The following ZNF33A variants were observed in gnomAD, a reference collection of about 807,000 sequenced individuals.
ZNF33A encodes brain my041 protein.
In ZNF33A, 9 loss-of-function variants were observed where a neutral mutation model predicts 15.9. That is an observed-to-expected ratio of 0.57 (90% CI 0.34 to 0.99). The LOEUF (loss-of-function observed/expected upper bound fraction) is 0.99, where lower values mean the gene tolerates loss of function less well. Ranked by LOEUF, ZNF33A falls within the 50% of genes least tolerant of loss-of-function variation. The pLI is 0.02. For missense variants in ZNF33A, 843 were observed against 941.6 expected, an observed-to-expected ratio of 0.90 and a Z score of 1.37; for synonymous variants, 294 against 324.2, an observed-to-expected ratio of 0.91 and a Z score of 1.00.
rs376762215 is a variant in ZNF33A at position 38,054,717 on chromosome 10, A to G, written c.593A>G (p.Asn198Ser). The G allele has an allele frequency of 8.1e-6, 13 of 1,613,734 alleles. No homozygotes were observed. The highest frequency in any genetic ancestry group is 8.0e-5 in the African/African-American group (6 of 74,916). Residue 198 changes from asparagine to serine, a missense_variant, in exon 5 of 5, where the codon AAC becomes AGC. Transcript: ENST00000432900. ...AAAAATGAAGTTTTGAAAAATAGGA[A>G]CACACTGAGTCATCATGAGGAGACT... ...QEKNEVLKNR[N>S]TLSHHEETLQ...
chr10:38,057,508 C>A lies in ZNF33A; in HGVS notation c.*948C>A. On this transcript the variant is annotated 3_prime_UTR_variant, in exon 5 of 5. Coordinates refer to ENST00000432900, the MANE Select transcript of ZNF33A (RefSeq NM_006954.2). ...TAATTGTGAATAGGAAGTAGGTATC[C>A]TAGTTTAGTAGTGGTTACATTATCA... The A allele has an allele frequency of 1.0e-6, 1 of 985,330 alleles. No homozygotes were observed. The highest frequency in any genetic ancestry group is 1.2e-6 in the Non-Finnish European group (1 of 829,914). 61.0% of individuals were successfully genotyped at this position (985,330 alleles called of 1,614,324 possible).
rs71491229 is a variant in ZNF33A at position 38,032,871 on chromosome 10, C to G, written c.250+15485C>G. Among the ~76,000 whole-genome samples the G allele has an allele frequency of 5.2e-3, 793 of 151,968 alleles. 11 individuals are homozygous for G. Among genetic ancestry groups the G allele is most frequent in the African/African-American group, 0.018 (752 of 41,424 alleles). On this transcript the variant is annotated intron_variant, in intron 4 of 4. Coordinates refer to ENST00000432900, the MANE Select transcript of ZNF33A (RefSeq NM_006954.2). ...AAGCGATTCTCCTGCCTCAGCCTCC[C>G]GAGTAGCTGGGATTGCAGGTGTGTA...
intron 4 of ZNF33A, among the ~76,000 whole-genome samples, chr10:38,034,802 G>A (rs919394415): frequency 5.9e-5 from 9 of 152,072 alleles, no homozygotes. Flanking sequence ...AGGTAATCCT[G>A]GTTCCTTTTA....
chr10:38,047,189 CCAAAAAAAAA>C (rs1564866783), intron 4 of ZNF33A, among the ~76,000 whole-genome samples: 1 of 3,584 alleles, frequency 2.8e-4, no homozygotes. Flanking sequence ...CCCACCCCTG[CCAAAAAAAAA>C]AAAAAAAAAA....
At chr10:38,039,617 T>G (rs1192493899) in intron 4 of ZNF33A, 2 of 452,376 alleles carry the variant, frequency 4.4e-6, no homozygotes, top group Non-Finnish European at 8.9e-6. Context: ...TTGGTTTTAG[T>G]TGTTTTTGTT....
At chr10:38,017,625 G>A (rs1011696489) in intron 4 of ZNF33A, 16 of 281,304 alleles carry the variant, frequency 5.7e-5, no homozygotes, top group Non-Finnish European at 8.6e-5. Flanking sequence ...CAATAGTTCA[G>A]TCTTTGCCCA....
chr10:38,066,911 G>T (rs1319373642), downstream of ZNF33A, among the ~76,000 whole-genome samples: 1 of 152,140 alleles, frequency 6.6e-6, no homozygotes, highest in African/African-American at 2.4e-5. Flanking sequence ...CAGCCTGGGT[G>T]ATAGAGTGAG....
At chr10:38,026,398 G>A (rs375250129) in intron 4 of ZNF33A, among the ~76,000 whole-genome samples, 45 of 152,252 alleles carry the variant, frequency 3.0e-4, no homozygotes, top group African/African-American at 9.9e-4. Flanking sequence ...GCAGTGGTGC[G>A]ATCTCGGCTC....
At chr10:38,015,264 A>C (rs1334422907) in intron 2 of ZNF33A, among the ~76,000 whole-genome samples, 1 of 151,816 alleles carries the variant, frequency 6.6e-6, no homozygotes, top group Admixed American at 6.6e-5. Flanking sequence ...CTATATTATA[A>C]ATGTCTTTGT....
chr10:38,029,788 TC>T (rs1346628805), intron 4 of ZNF33A, among the ~76,000 whole-genome samples: 1 of 152,122 alleles, frequency 6.6e-6, no homozygotes, highest in Non-Finnish European at 1.5e-5. Flanking sequence ...CTGGTGCAGA[TC>T]AGTGTATATT....
At position 38,015,982 on chromosome 10, in the gene ZNF33A, G is replaced by T. The variant is rs150903710; in HGVS notation, c.10-889G>T. ...ATTTTCACAGCAGTGATCCCTAAAA[G>T]ATGTGCCCTAGAGGATATCCAGAAC... On this transcript the variant is annotated intron_variant, in intron 2 of 4. Coordinates refer to ENST00000432900, the MANE Select transcript of ZNF33A (RefSeq NM_006954.2). 1.6e-3 allele frequency: 1,958 copies of T among 1,231,424 alleles called. 3 individuals are homozygous for T. Among genetic ancestry groups the T allele is most frequent in the Non-Finnish European group, 1.8e-3 (1,818 of 987,768 alleles). The allele number at this position is 1,231,424 out of a possible 1,614,324, so 76.3% of individuals were successfully genotyped here.
chr10:38,056,880 A>T lies in ZNF33A; in HGVS notation c.*320A>T. 1 of 1,017,328 alleles carries T rather than the reference A, an allele frequency of 9.8e-7. No individual in the cohort carries two copies. Among genetic ancestry groups the T allele is most frequent in the East Asian group, 7.5e-5 (1 of 13,418 alleles). The allele number at this position is 1,017,328 out of a possible 1,614,324, so 63.0% of individuals were successfully genotyped here. On this transcript the variant is annotated 3_prime_UTR_variant, in exon 5 of 5. Coordinates refer to ENST00000432900, the MANE Select transcript of ZNF33A (RefSeq NM_006954.2). ...ATAATAGTTTTTAGGGCACCTAACA[A>T]TAATTTATAGATGTATATTGTGGAA...
intron 4 of ZNF33A, among the ~76,000 whole-genome samples, chr10:38,028,630 G>T (rs1257600790): frequency 2.0e-5 from 3 of 151,996 alleles, no homozygotes; most frequent in Non-Finnish European, 4.4e-5. Context: ...ACCACATCCA[G>T]CTAATTTTTG....
chr10:38,063,468 T>C (rs2066679512), downstream of ZNF33A, among the ~76,000 whole-genome samples: 1 of 152,214 alleles, frequency 6.6e-6, no homozygotes, highest in East Asian at 1.9e-4. Context: ...CATGTAAATA[T>C]ATACAAAATG....
At chr10:38,043,485 C>T (rs1241764226) in intron 4 of ZNF33A, among the ~76,000 whole-genome samples, 1 of 146,278 alleles carries the variant, frequency 6.8e-6, no homozygotes, top group East Asian at 2.0e-4. Flanking sequence ...TACCCTAAAA[C>T]TTAAAGTATA....
chr10:38,066,841 A>G (rs2066714024), downstream of ZNF33A, among the ~76,000 whole-genome samples: 1 of 152,114 alleles, frequency 6.6e-6, no homozygotes, highest in South Asian at 2.1e-4. Context: ...GTAAGGGATG[A>G]GAATGGCTTG....
At chr10:38,021,707 A>C (rs953179705) in intron 4 of ZNF33A, among the ~76,000 whole-genome samples, 8 of 152,216 alleles carry the variant, frequency 5.3e-5, no homozygotes, top group African/African-American at 1.9e-4. Context: ...TGTCCATGGA[A>C]TATTCAGAAA....
At chr10:38,013,696 A>AT (rs1219522149) in intron 2 of ZNF33A, among the ~76,000 whole-genome samples, 1 of 151,672 alleles carries the variant, frequency 6.6e-6, no homozygotes, top group Non-Finnish European at 1.5e-5. Flanking sequence ...TGACCTCGTG[A>AT]TCCCCCACCT....
intron 4 of ZNF33A, among the ~76,000 whole-genome samples, chr10:38,053,503 C>T (rs61858884): frequency 1.3e-5 from 2 of 152,148 alleles, no homozygotes; most frequent in Non-Finnish European, 2.9e-5. Flanking sequence ...CTTAAAGTCC[C>T]CATCTTCAAA....
Sources: allele counts gnomAD v4.1 joint callset (sites outside exome capture counted in the v4.1 genomes callset), GRCh38; gene constraint gnomAD v4.1.1; transcripts MANE v1.5; gene names NCBI Gene and HGNC (gene_info 2026-07-23, HGNC 2026-07-21).